The following VSTM2A variants were observed in gnomAD, a reference collection of about 807,000 sequenced individuals.
VSTM2A encodes V-set and transmembrane domain containing 2A.
Under a neutral mutation model 27.3 loss-of-function variants are expected in VSTM2A, and 13 were observed. That is an observed-to-expected ratio of 0.48 (90% CI 0.31 to 0.76). The LOEUF (loss-of-function observed/expected upper bound fraction) is 0.76. VSTM2A is among the 30% of genes least tolerant of loss of function. The pLI, the probability that VSTM2A is intolerant of heterozygous loss-of-function variation, is 0.05. For synonymous variants in VSTM2A, 142 were observed against 125.7 expected, an observed-to-expected ratio of 1.13 and a Z score of -0.87; for missense variants, 280 against 310.0, an observed-to-expected ratio of 0.90 and a Z score of 0.73.
At chr7:54,567,977 A>G (rs559854841) in intron 4 of VSTM2A, among the ~76,000 whole-genome samples, 24 of 151,962 alleles carry the variant, frequency 1.6e-4, no homozygotes, top group Non-Finnish European at 2.6e-4. Context: ...ATAGAGGACC[A>G]CTCTGCAGAG....
intron 3 of VSTM2A, among the ~76,000 whole-genome samples, chr7:54,547,326 T>C (rs899955041): frequency 3.9e-5 from 6 of 152,222 alleles, no homozygotes; most frequent in African/African-American, 1.4e-4. Context: ...GAAACAATTA[T>C]ATTTTAGTAG....
Position 54,562,413 on chromosome 7 carries a change from G to C in VSTM2A, c.635-6718G>C, listed in dbSNP as rs373219205. Among the ~76,000 whole-genome samples the C allele has an allele frequency of 6.6e-5, 10 of 152,074 alleles. No homozygotes were observed. In the East Asian group the frequency reaches 1.7e-3, roughly 26 times the overall value. On this transcript the variant is annotated intron_variant, in intron 4 of 4. Coordinates refer to ENST00000402613, the MANE Select transcript of VSTM2A (RefSeq NM_001301009.2). ...TGAGTTGTTTTTCCTGCTTTGATGAGAGATTTTTCTCTGACAGTATTGGTG... is the reference window on the plus strand; with the variant it reads ...TGAGTTGTTTTTCCTGCTTTGATGACAGATTTTTCTCTGACAGTATTGGTG...
Position 54,569,228 on chromosome 7 carries a change from A to G in VSTM2A, c.*9A>G, listed in dbSNP as rs760311124. 1.4e-5 allele frequency: 22 copies of G among 1,551,502 alleles called. No individual in the cohort carries two copies. Among genetic ancestry groups the G allele is most frequent in the African/African-American group, 4.1e-5 (3 of 73,040 alleles). Reference sequence around the variant, plus strand: ...CACCCACTGTACTCTAATTCACTACACAAGGAGCGCCTGCTTCCGGAAGCA... The same window carrying G: ...CACCCACTGTACTCTAATTCACTACGCAAGGAGCGCCTGCTTCCGGAAGCA... On this transcript the variant is annotated 3_prime_UTR_variant, in exon 5 of 5. Coordinates refer to ENST00000402613, the MANE Select transcript of VSTM2A (RefSeq NM_001301009.2).
chr7:54,544,926 G>A (rs769838445), intron 2 of VSTM2A, 138 bp downstream of exon 2: 5 of 1,076,904 alleles, frequency 4.6e-6, no homozygotes, highest in Non-Finnish European at 6.5e-6. Context: ...TGACCCCCAG[G>A]GCTTCTAGGG....
chr7:54,569,393 C>T lies in VSTM2A; in HGVS notation c.*174C>T, dbSNP rs1205304863. The T allele has an allele frequency of 8.7e-7, 1 of 1,144,710 alleles. No individual in the cohort carries two copies. Among genetic ancestry groups the T allele is most frequent in the Non-Finnish European group, 1.2e-6 (1 of 834,810 alleles). 70.9% of individuals were successfully genotyped at this position (1,144,710 alleles called of 1,614,324 possible). ...TATTTTTTCCCTTTTCTTTCGGCGACTAAAATCATCTCACTGACTGCTCAA... is the reference window on the plus strand; with the variant it reads ...TATTTTTTCCCTTTTCTTTCGGCGATTAAAATCATCTCACTGACTGCTCAA... On this transcript the variant is annotated 3_prime_UTR_variant, in exon 5 of 5. Transcript: ENST00000402613.
At chr7:54,567,354 C>T (rs73121869) in intron 4 of VSTM2A, among the ~76,000 whole-genome samples, 12,118 of 152,214 alleles carry the variant, frequency 0.08, 626 homozygotes, top group Non-Finnish European at 0.11. Flanking sequence ...TCAAAATATT[C>T]TTTACACTGC....
In VSTM2A at chr7:54,550,102, A is replaced by G. The variant is rs746137754; in HGVS notation, c.566A>G (p.Asn189Ser). 12 of 1,608,050 alleles carry G rather than the reference A, an allele frequency of 7.5e-6. No homozygotes were observed. The highest frequency in any genetic ancestry group is 8.5e-6 in the Non-Finnish European group (10 of 1,177,310). Reference sequence around the variant, plus strand: ...CCCAGCAGCATCCATGGCTCTGCCAACCAACGAACGCACTCCACCTCCAGC... The same window carrying G: ...CCCAGCAGCATCCATGGCTCTGCCAGCCAACGAACGCACTCCACCTCCAGC... ...AIPSSIHGSA[N>S]QRTHSTSSPQ... is the part of the protein sequence containing the mutation. The change falls in exon 4 of 5, where the codon AAC becomes AGC. Residue 189 changes from asparagine to serine, a missense_variant. Physicochemically the swap from Asn to Ser is conservative, Grantham distance 46. Coordinates refer to ENST00000402613, the MANE Select transcript of VSTM2A (RefSeq NM_001301009.2).
chr7:54,569,102 T>C (rs1490254609), intron 4 of VSTM2A, 29 bp from the exon 5 acceptor site: 1 of 1,595,548 alleles, frequency 6.3e-7, no homozygotes, highest in Middle Eastern at 1.7e-4. Context: ...GTGCTGACTT[T>C]TTTCCAATAT....
At chr7:54,562,221 C>T (rs1328900502) in intron 4 of VSTM2A, among the ~76,000 whole-genome samples, 1 of 152,138 alleles carries the variant, frequency 6.6e-6, no homozygotes, top group Non-Finnish European at 1.5e-5. Flanking sequence ...CGCTCCCAGC[C>T]TTTAGTTTTT....
At chr7:54,553,582 A>C (rs933874595) in intron 4 of VSTM2A, among the ~76,000 whole-genome samples, 3 of 152,230 alleles carry the variant, frequency 2.0e-5, no homozygotes, top group Admixed American at 2.0e-4. Context: ...TGTTCTGAGA[A>C]GGTGAATTCC....
In VSTM2A at chr7:54,544,783, G is replaced by T. The variant is rs199714481; in HGVS notation, c.241G>T (p.Ala81Ser). The change falls in exon 2 of 5, where the codon GCG (alanine) becomes TCG (serine). Residue 81 changes from alanine (A) to serine (S), a missense_variant. Physicochemically the swap from Ala to Ser is moderately conservative, Grantham distance 99. Transcript: ENST00000402613. ...DLDPGAEGAG[A>S]QVELLPDRDP... ...GGATCCCGGGGCCGAGGGGGCCGGC[G>T]CGCAGGTAGCGGAGCCCGCCGACCC... The T allele has an allele frequency of 1.4e-5, 23 of 1,603,558 alleles. No individual in the cohort carries two copies. The East Asian group carries it at 4.7e-4, about 33-fold the overall frequency.
At chr7:54,549,291 A>C (rs560351278) in intron 3 of VSTM2A, among the ~76,000 whole-genome samples, 2 of 152,324 alleles carry the variant, frequency 1.3e-5, no homozygotes, top group South Asian at 4.1e-4. Flanking sequence ...ACTGCATCTA[A>C]AATTTAAGAA....
chr7:54,560,496 C>G (rs942600800), intron 4 of VSTM2A, among the ~76,000 whole-genome samples: 1 of 152,002 alleles, frequency 6.6e-6, no homozygotes, highest in East Asian at 1.9e-4. Context: ...ACCCCCAATT[C>G]CAAGGGAGAT....
At chr7:54,543,789 C>T (rs962366394) in intron 1 of VSTM2A, among the ~76,000 whole-genome samples, 2 of 152,080 alleles carry the variant, frequency 1.3e-5, no homozygotes, top group Non-Finnish European at 2.9e-5. Context: ...AGAACAACCA[C>T]GTTGGTAACA....
At chr7:54,567,668 CAGCATTTTAA>C (rs1788766063) in intron 4 of VSTM2A, among the ~76,000 whole-genome samples, 2 of 152,212 alleles carry the variant, frequency 1.3e-5, no homozygotes, top group African/African-American at 4.8e-5. Context: ...TATTTGCTTT[CAGCATTTTAA>C]AACTTGTATT....
chr7:54,568,517 C>A (rs2115955375), intron 4 of VSTM2A, among the ~76,000 whole-genome samples: 1 of 151,208 alleles, frequency 6.6e-6, no homozygotes, highest in South Asian at 2.1e-4. Context: ...TAACTTTCTC[C>A]AAGATTTCGA....
chr7:54,559,520 A>G (rs1246147888), intron 4 of VSTM2A: 1 of 152,206 alleles, frequency 6.6e-6, no homozygotes, highest in East Asian at 1.9e-4. Flanking sequence ...TGAATCAGAC[A>G]TTCTGCTACA....
At chr7:54,568,484 G>A (rs1391800767) in intron 4 of VSTM2A, among the ~76,000 whole-genome samples, 2 of 151,858 alleles carry the variant, frequency 1.3e-5, no homozygotes, top group Admixed American at 1.3e-4. Context: ...GCTCTTTCAG[G>A]AGTTTCCAAT....
chr7:54,568,955 A>T, intron 4 of VSTM2A, 176 bp from the exon 5 acceptor site: 2 of 1,548,008 alleles, frequency 1.3e-6, no homozygotes, highest in Non-Finnish European at 1.8e-6. Context: ...ACAACCTAAT[A>T]AGGAGCGTTG....
Sources: allele counts gnomAD v4.1 joint callset (sites outside exome capture counted in the v4.1 genomes callset), GRCh38; gene constraint gnomAD v4.1.1; transcripts MANE v1.5; gene names NCBI Gene and HGNC (gene_info 2026-07-23, HGNC 2026-07-21).